SAMMSON: variants seen among roughly 807,000 people sequenced by gnomAD.
The protein encoded by SAMMSON is survival associated mitochondrial melanoma specific oncogenic non-coding RNA, also known as long intergenic non-protein coding RNA 1212.
rs1576144201 is a variant in SAMMSON, at chr3:70,174,930, C to T, written n.508-74177C>T. The stretch of plus-strand genomic sequence containing the variant: ...TTCCCAAATTCTAATAAGTACTTCC[C>T]CCCACCTTCCCACATACATTTTAAT... On this transcript the variant is annotated intron_variant and non_coding_transcript_variant, in intron 4 of 9. Transcript: ENST00000642114. 2.0e-5 allele frequency among the ~76,000 whole-genome samples: 3 copies of T among 152,114 alleles called. No homozygotes were observed. In the South Asian group the frequency reaches 6.2e-4, roughly 32 times the overall value.
intron 3 of SAMMSON, among the ~76,000 whole-genome samples, chr3:70,022,361 C>T (rs2067017255): frequency 7.4e-6 from 1 of 134,436 alleles, no homozygotes; most frequent in Non-Finnish European, 1.5e-5. Flanking sequence ...CAACATGGCA[C>T]ATGTATACAT....
At chr3:70,404,345 A>G (rs911902641) in intron 2 of SAMMSON, among the ~76,000 whole-genome samples, 1 of 152,140 alleles carries the variant, frequency 6.6e-6, no homozygotes, top group African/African-American at 2.4e-5. Flanking sequence ...AATTTAGCCT[A>G]TATAAAACAT....
chr3:70,005,181 G>T (rs556377355), intron 1 of SAMMSON, among the ~76,000 whole-genome samples: 1 of 152,268 alleles, frequency 6.6e-6, no homozygotes, highest in South Asian at 2.1e-4. Context: ...TATTTTAAAA[G>T]TTACCTGAAA....
intron 9 of SAMMSON, among the ~76,000 whole-genome samples, chr3:70,366,549 A>G (rs1284199596): frequency 1.6e-5 from 2 of 128,668 alleles, no homozygotes; most frequent in Non-Finnish European, 3.2e-5. Flanking sequence ...ATAATATTCC[A>G]CAGTATGGAT....
intron 2 of SAMMSON, among the ~76,000 whole-genome samples, chr3:70,402,830 C>T (rs1418235875): frequency 6.6e-6 from 1 of 151,932 alleles, no homozygotes; most frequent in Non-Finnish European, 1.5e-5. Flanking sequence ...CCACTGCACT[C>T]CAGCATGAGT....
intron 3 of SAMMSON, among the ~76,000 whole-genome samples, chr3:70,050,790 C>T (rs1559781082): frequency 6.6e-6 from 1 of 151,854 alleles, no homozygotes; most frequent in Non-Finnish European, 1.5e-5. Flanking sequence ...AATCCATGTG[C>T]CTGGAAGAAG....
At chr3:70,258,405 A>T (rs1304302240) in intron 6 of SAMMSON, among the ~76,000 whole-genome samples, 1 of 152,186 alleles carries the variant, frequency 6.6e-6, no homozygotes, top group Non-Finnish European at 1.5e-5. Context: ...ACTTCAATTG[A>T]GAATACAGAA....
intron 9 of SAMMSON, among the ~76,000 whole-genome samples, chr3:70,378,746 T>C (rs76589458): frequency 6.6e-5 from 10 of 152,094 alleles, no homozygotes; most frequent in African/African-American, 2.2e-4. Context: ...CCAAAACACA[T>C]TGGTACAAGT....
At position 70,226,690 on chromosome 3, in the gene SAMMSON, A is replaced by G. The variant is rs976546689; in HGVS notation, n.508-22417A>G. ...GAAGCGGAGGTTGCAGTGAGCCGAT[A>G]TCGTGCCACTCCACTCCAGCCTGGG... is the stretch of plus-strand genomic sequence containing the variant. On this transcript the variant is annotated intron_variant and non_coding_transcript_variant, in intron 4 of 9. Transcript: ENST00000642114. Among the ~76,000 whole-genome samples the G allele has an allele frequency of 2.0e-5, 3 of 150,154 alleles. No individual in the cohort carries two copies. The Admixed American group carries it at 2.0e-4, about 10-fold the overall frequency.
chr3:70,074,658 C>T (rs1247492947), intron 4 of SAMMSON, among the ~76,000 whole-genome samples: 2 of 152,086 alleles, frequency 1.3e-5, no homozygotes, highest in Non-Finnish European at 2.9e-5. Context: ...CACACTACAT[C>T]CCCATGTACA....
chr3:70,340,709 G>A (rs971923322), intron 7 of SAMMSON, among the ~76,000 whole-genome samples: 1 of 152,006 alleles, frequency 6.6e-6, no homozygotes, highest in African/African-American at 2.4e-5. Flanking sequence ...CATTATTGGG[G>A]GACTTAAATG....
At chr3:70,166,892 G>T (rs115808411) in intron 4 of SAMMSON, among the ~76,000 whole-genome samples, 2,681 of 151,968 alleles carry the variant, frequency 0.018, 91 homozygotes, top group African/African-American at 0.061. Flanking sequence ...GGTGGGGCTA[G>T]ACATTATTAT....
Position 70,165,290 on chromosome 3 carries a change from G to A in SAMMSON, n.508-83817G>A, listed in dbSNP as rs576047971. On this transcript the variant is annotated intron_variant and non_coding_transcript_variant, in intron 4 of 9. Coordinates refer to ENST00000642114, the Ensembl canonical transcript of SAMMSON. ...ATATAGTGTTGTGGTCTGAATGTCT[G>A]TGTCCTCCCCAGATTCATGTTGAAA... is the stretch of plus-strand genomic sequence containing the variant. Among the ~76,000 whole-genome samples the A allele has an allele frequency of 1.1e-4, 16 of 152,132 alleles. No individual in the cohort carries two copies. In the South Asian group the frequency reaches 3.3e-3, roughly 32 times the overall value.
chr3:70,331,259 A>G (rs1702619486), intron 7 of SAMMSON, among the ~76,000 whole-genome samples: 1 of 152,118 alleles, frequency 6.6e-6, no homozygotes, highest in Admixed American at 6.6e-5. Context: ...GCCGATGTCA[A>G]CCCACCTACC....
At chr3:70,122,423 G>T (rs1487697300) in intron 4 of SAMMSON, among the ~76,000 whole-genome samples, 1 of 152,056 alleles carries the variant, frequency 6.6e-6, no homozygotes, top group African/African-American at 2.4e-5. Flanking sequence ...TGCCCAGGCT[G>T]GTCTCAAACT....
chr3:70,411,689 C>T (rs1279422604), intron 2 of SAMMSON, among the ~76,000 whole-genome samples: 1 of 152,118 alleles, frequency 6.6e-6, no homozygotes, highest in Admixed American at 6.5e-5. Flanking sequence ...CTCACAAGAA[C>T]TGATGGTTTT....
intron 9 of SAMMSON, among the ~76,000 whole-genome samples, chr3:70,378,117 G>C (rs377348680): frequency 3.3e-5 from 5 of 151,222 alleles, no homozygotes; most frequent in Admixed American, 3.3e-4. Flanking sequence ...AAAAGCACTA[G>C]TATTTAGTTA....
At chr3:70,324,688 G>A (rs1413509190) in intron 7 of SAMMSON, among the ~76,000 whole-genome samples, 2 of 152,118 alleles carry the variant, frequency 1.3e-5, no homozygotes, top group African/African-American at 4.8e-5. Context: ...GTGATAATAA[G>A]CATGTGATGA....
At chr3:70,299,921 C>A (rs1042830342) in intron 7 of SAMMSON, among the ~76,000 whole-genome samples, 2 of 151,996 alleles carry the variant, frequency 1.3e-5, no homozygotes, top group African/African-American at 2.4e-5. Context: ...TTTCACACTC[C>A]CACACACGCC....
Sources: allele counts gnomAD v4.1 joint callset (sites outside exome capture counted in the v4.1 genomes callset), GRCh38; gene constraint gnomAD v4.1.1; transcripts MANE v1.5; gene names NCBI Gene and HGNC (gene_info 2026-07-23, HGNC 2026-07-21).